Variants in PARD3B observed in about 807,000 individuals in gnomAD.
PARD3B encodes the protein partitioning defective 3 homolog B.
A neutral mutation model predicts 130.2 loss-of-function variants in PARD3B; 103 were observed. The ratio of observed to expected loss-of-function variants is 0.79; its 90% CI spans 0.67 to 0.93. The LOEUF is 0.93. Among genes scored for constraint, PARD3B ranks in the 40% least tolerant of loss-of-function variants. PARD3B has a pLI of 0.00. For missense variants in PARD3B, 1,609 were observed against 1,499.2 expected, an observed-to-expected ratio of 1.07 and a Z score of -1.21; for synonymous variants, 583 against 553.2, an observed-to-expected ratio of 1.05 and a Z score of -0.76.
intron 2 of PARD3B, among the ~76,000 whole-genome samples, chr2:204,928,165 G>A (rs577947723): frequency 1.3e-5 from 2 of 152,066 alleles, no homozygotes; most frequent in African/African-American, 4.8e-5. Context: ...CTATTGCCTG[G>A]TTTCATATGA....
At chr2:205,462,351 A>T (rs1225029898) in intron 20 of PARD3B, among the ~76,000 whole-genome samples, 2 of 152,242 alleles carry the variant, frequency 1.3e-5, no homozygotes, top group Non-Finnish European at 2.9e-5. Context: ...TTCATCAATC[A>T]GTACATTTCT....
At chr2:204,696,917 T>C (rs1384737071) in intron 2 of PARD3B, among the ~76,000 whole-genome samples, 4 of 152,104 alleles carry the variant, frequency 2.6e-5, no homozygotes, top group Non-Finnish European at 5.9e-5. Flanking sequence ...TGAAATAGCA[T>C]AGAAACATGT....
rs1049927811 is a variant in PARD3B, at chr2:205,291,131, G to A, written c.2186-9399G>A. On this transcript the variant is annotated intron_variant, in intron 16 of 22. Transcript: ENST00000406610. This position sits in a 1 kb window ranked among gnomAD's most constrained non-coding sequence, Gnocchi z 4.6. ...ACAGCTTTGAAACTGGGTAATGGGT[G>A]GAGGCTGAAAGAGTTTTTAAGTGCA... Among the ~76,000 whole-genome samples the A allele has an allele frequency of 1.3e-5, 2 of 152,164 alleles. No individual in the cohort carries two copies. The highest frequency in any genetic ancestry group is 2.9e-5 in the Non-Finnish European group (2 of 68,030).
intron 21 of PARD3B, among the ~76,000 whole-genome samples, chr2:205,526,535 C>T (rs2051344735): frequency 6.6e-6 from 1 of 152,152 alleles, no homozygotes; most frequent in South Asian, 2.1e-4. Context: ...ATAGCAAGCT[C>T]AACCTTGATC....
intron 20 of PARD3B, among the ~76,000 whole-genome samples, chr2:205,479,139 C>T (rs1216106125): frequency 6.6e-6 from 1 of 152,048 alleles, no homozygotes; most frequent in Non-Finnish European, 1.5e-5. Flanking sequence ...AGCTTATGTC[C>T]CTAGGAAAGA....
At chr2:205,475,039 CA>C (rs2048978107) in intron 20 of PARD3B, among the ~76,000 whole-genome samples, 1 of 152,084 alleles carries the variant, frequency 6.6e-6, no homozygotes, top group Non-Finnish European at 1.5e-5. Flanking sequence ...GTATATTTAT[CA>C]AGACGTATTT....
chr2:205,239,615 C>A (rs2125911003), intron 15 of PARD3B, among the ~76,000 whole-genome samples: 1 of 152,172 alleles, frequency 6.6e-6, no homozygotes, highest in Non-Finnish European at 1.5e-5. Context: ...TCGCAACTTT[C>A]AATTTAAGAC....
chr2:204,660,878 A>G (rs2035784649), intron 1 of PARD3B, among the ~76,000 whole-genome samples: 1 of 152,236 alleles, frequency 6.6e-6, no homozygotes, highest in South Asian at 2.1e-4. Context: ...TAATGTATAG[A>G]ACATGCAGTG....
intron 19 of PARD3B, among the ~76,000 whole-genome samples, chr2:205,433,138 A>G (rs1215560869): frequency 1.3e-5 from 2 of 152,252 alleles, no homozygotes; most frequent in African/African-American, 4.8e-5. Flanking sequence ...AGAATTATAT[A>G]TAACTCAATT....
chr2:204,783,419 GATTTGGGCCCCACCCAT>G (rs2041908378), intron 2 of PARD3B, among the ~76,000 whole-genome samples: 1 of 152,004 alleles, frequency 6.6e-6, no homozygotes, highest in East Asian at 1.9e-4. Context: ...AATCTTACAG[GATTTGGGCCCCACCCAT>G]ATTACTTCAT....
intron 1 of PARD3B, among the ~76,000 whole-genome samples, chr2:204,682,403 T>C (rs2036876806): frequency 6.6e-6 from 1 of 152,216 alleles, no homozygotes; most frequent in Non-Finnish European, 1.5e-5. Context: ...ATTTTGAGGA[T>C]AAATGAGTTA....
intron 18 of PARD3B, among the ~76,000 whole-genome samples, chr2:205,339,766 A>G (rs17266866): frequency 0.033 from 5,069 of 152,230 alleles, 102 homozygotes; most frequent in Middle Eastern, 0.058. Flanking sequence ...AGAACATGCA[A>G]CAAGGACACC....
intron 10 of PARD3B, among the ~76,000 whole-genome samples, chr2:205,145,400 A>T (rs1471052491): frequency 1.3e-5 from 2 of 152,228 alleles, no homozygotes; most frequent in Non-Finnish European, 2.9e-5. Context: ...AATAAAGACA[A>T]GACTCAATTC....
intron 4 of PARD3B, among the ~76,000 whole-genome samples, chr2:205,084,045 C>T (rs1701596546): frequency 6.6e-6 from 1 of 152,008 alleles, no homozygotes; most frequent in African/African-American, 2.4e-5. Flanking sequence ...GTGAATAATT[C>T]TTTAAATATC....
chr2:204,579,457 A>G (rs1055554427), intron 1 of PARD3B, among the ~76,000 whole-genome samples: 5 of 152,166 alleles, frequency 3.3e-5, no homozygotes, highest in Admixed American at 2.6e-4. Flanking sequence ...CCTGGGAACA[A>G]TGCCTTTGGC....
chr2:205,113,416 G>T, intron 5 of PARD3B, 75 bp from the exon 6 acceptor site: 2 of 869,164 alleles, frequency 2.3e-6, no homozygotes, highest in South Asian at 1.5e-5. Context: ...GTGTGTGTGT[G>T]TGTGTGTATT....
intron 19 of PARD3B, among the ~76,000 whole-genome samples, chr2:205,439,482 A>T (rs2106156738): frequency 6.6e-6 from 1 of 152,292 alleles, no homozygotes; most frequent in South Asian, 2.1e-4. Context: ...TTCCATTTTA[A>T]TACATTACTG....
At chr2:204,998,665 A>G (rs1163784039) in intron 3 of PARD3B, among the ~76,000 whole-genome samples, 1 of 151,706 alleles carries the variant, frequency 6.6e-6, no homozygotes, top group Admixed American at 6.6e-5. Context: ...ACATTTTTCC[A>G]TATCCACTGA....
chr2:205,157,168 C>T (rs2034224479), intron 10 of PARD3B, among the ~76,000 whole-genome samples: 1 of 152,032 alleles, frequency 6.6e-6, no homozygotes, highest in Non-Finnish European at 1.5e-5. Flanking sequence ...TAAGCAAATC[C>T]CAGAGAGGCC....
Sources: gnomAD v4.1 joint callset for allele counts (sites outside exome capture counted in the v4.1 genomes callset) on GRCh38, gnomAD v4.1.1 for gene constraint, Gnocchi (gnomAD v3.1) non-coding constraint, MANE v1.5 for transcripts, NCBI Gene and HGNC (gene_info 2026-07-23, HGNC 2026-07-21) for gene names.